Variants in ESRRG observed in about 807,000 individuals in gnomAD.
ESRRG encodes estrogen related receptor gamma, also known as estrogen-related receptor gamma.
ESRRG carries 13 observed loss-of-function variants against 44.0 expected under a neutral mutation model. The observed-to-expected ratio is 0.30, with a 90% confidence interval of 0.19 to 0.47. ESRRG has a LOEUF of 0.47. ESRRG is among the 20% of genes least tolerant of loss of function. The pLI is 1.00. For synonymous variants in ESRRG, 215 were observed against 214.6 expected (o/e 1.00, Z -0.02); for missense variants, 395 against 580.6 (o/e 0.68, Z 3.29).
intron 3 of ESRRG, among the ~76,000 whole-genome samples, chr1:216,593,802 C>T (rs566708810): frequency 2.0e-5 from 3 of 152,162 alleles, no homozygotes; most frequent in Admixed American, 6.5e-5. Flanking sequence ...TGCAGTGATA[C>T]GATCATGGCT....
intron 2 of ESRRG, among the ~76,000 whole-genome samples, chr1:216,759,122 G>A (rs77237867): frequency 0.023 from 3,427 of 152,088 alleles, 57 homozygotes; most frequent in Non-Finnish European, 0.031. Flanking sequence ...TGTCTATAAC[G>A]ATCATATATT....
chr1:216,795,158 C>T lies in ESRRG; in HGVS notation c.-13-117667G>A, dbSNP rs1462128447. ...GCTTACTTCTCAAAAATGTGAGTAC[C>T]GACCTGAAGACACGAAGTAATGTGT... On this transcript the variant is annotated intron_variant, in intron 2 of 7. Coordinates refer to the ESRRG transcript ENST00000359162. 6.6e-5 allele frequency among the ~76,000 whole-genome samples: 10 copies of T among 152,038 alleles called. No individual in the cohort carries two copies. The South Asian group carries it at 8.3e-4, about 13-fold the overall frequency.
intron 2 of ESRRG, among the ~76,000 whole-genome samples, chr1:216,865,355 T>C (rs1433083746): frequency 3.3e-5 from 5 of 152,096 alleles, no homozygotes; most frequent in Non-Finnish European, 7.4e-5. Context: ...GAGACTCATA[T>C]GTTATTTTAA....
intron 3 of ESRRG, among the ~76,000 whole-genome samples, chr1:216,633,702 G>A (rs1356450779): frequency 6.6e-6 from 1 of 152,154 alleles, no homozygotes; most frequent in Non-Finnish European, 1.5e-5. Flanking sequence ...ATTGCACAGT[G>A]GGATTAGGAG....
rs1473382947 is a variant in ESRRG at position 217,038,875 on chromosome 1, T to G, written c.-106+50632A>C. ...AGGCTGCAAATTTTCTGAACTTTTA[T>G]CCTCCATTTCCCTTTTAAAACCGAA... is the stretch of plus-strand genomic sequence containing the variant. On this transcript the variant is annotated intron_variant, in intron 1 of 7. Coordinates refer to the ESRRG transcript ENST00000359162. Among the ~76,000 whole-genome samples, 3 of 152,346 alleles carry G rather than the reference T, an allele frequency of 2.0e-5. No homozygotes were observed. The East Asian group carries it at 5.8e-4, about 29-fold the overall frequency.
chr1:216,610,494 C>T (rs1333538580), intron 3 of ESRRG, among the ~76,000 whole-genome samples: 1 of 151,978 alleles, frequency 6.6e-6, no homozygotes, highest in East Asian at 1.9e-4. Context: ...AGTCTCTGAT[C>T]GTTAGTGTTT....
chr1:216,766,147 G>A (rs2093063421), intron 2 of ESRRG, among the ~76,000 whole-genome samples: 1 of 152,008 alleles, frequency 6.6e-6, no homozygotes, highest in Non-Finnish European at 1.5e-5. Context: ...GAAAAACTGG[G>A]ACAAAGGAAC....
At chr1:216,639,301 G>C (rs1293353689) in intron 3 of ESRRG, among the ~76,000 whole-genome samples, 3 of 152,176 alleles carry the variant, frequency 2.0e-5, no homozygotes, top group Non-Finnish European at 4.4e-5. Context: ...ATGGGGTGGA[G>C]AGGGTGAAGG....
chr1:216,790,422 G>T (rs1231029398), intron 2 of ESRRG, among the ~76,000 whole-genome samples: 7 of 152,068 alleles, frequency 4.6e-5, no homozygotes, highest in Non-Finnish European at 1.0e-4. Context: ...TTTATAAAAT[G>T]CTTTCATACA....
chr1:216,767,222 T>G (rs1229759549), intron 2 of ESRRG, among the ~76,000 whole-genome samples: 1 of 152,162 alleles, frequency 6.6e-6, no homozygotes, highest in African/African-American at 2.4e-5. Flanking sequence ...TTACTCATAT[T>G]TTTGAAGTTA....
In ESRRG at chr1:216,811,085, C is replaced by T. The variant is rs544728807; in HGVS notation, c.-14+128497G>A. Among the ~76,000 whole-genome samples, 3 of 152,052 alleles carry T rather than the reference C, an allele frequency of 2.0e-5. No individual in the cohort carries two copies. The East Asian group carries it at 5.8e-4, about 29-fold the overall frequency. On this transcript the variant is annotated intron_variant, in intron 2 of 7. Transcript: ENST00000359162. Reference sequence around the variant, plus strand: ...TAACAATGAGTAAAATACTGGATTACTGGATTTAGCACAAATATGAAGAAT... The same window carrying T: ...TAACAATGAGTAAAATACTGGATTATTGGATTTAGCACAAATATGAAGAAT...
At chr1:216,821,663 C>A (rs557871694) in intron 2 of ESRRG, among the ~76,000 whole-genome samples, 1 of 124,982 alleles carries the variant, frequency 8.0e-6, no homozygotes, top group Admixed American at 9.8e-5. Flanking sequence ...CCAGCCTGGG[C>A]GACAGAACAA....
In ESRRG at chr1:216,802,906, C is replaced by T. The variant is rs2094669183; in HGVS notation, c.-13-125415G>A. ...AATACTAAAAGGAAAAGTGATTTTA[C>T]ATATCTTGAAGACATTCCCTCAATT... is the stretch of plus-strand genomic sequence containing the variant. On this transcript the variant is annotated intron_variant, in intron 2 of 7. Coordinates refer to the ESRRG transcript ENST00000359162. 1.3e-5 allele frequency among the ~76,000 whole-genome samples: 2 copies of T among 152,108 alleles called. 1 individual carries two copies.
At chr1:216,978,976 C>A (rs1260121901) in intron 1 of ESRRG, among the ~76,000 whole-genome samples, 3 of 152,174 alleles carry the variant, frequency 2.0e-5, no homozygotes, top group Admixed American at 6.6e-5. Context: ...GGGACCTCTT[C>A]TCTTTCACTC....
intron 5 of ESRRG, among the ~76,000 whole-genome samples, chr1:216,540,378 G>A (rs1162187118): frequency 6.6e-6 from 1 of 151,820 alleles, no homozygotes; most frequent in African/African-American, 2.4e-5. Flanking sequence ...TATAATTAAA[G>A]CCTCTAACTG....
At chr1:216,610,515 T>A (rs2060503063) in intron 3 of ESRRG, among the ~76,000 whole-genome samples, 1 of 152,084 alleles carries the variant, frequency 6.6e-6, no homozygotes, top group Admixed American at 6.6e-5. Flanking sequence ...GAGGGGAAGG[T>A]GCACTGCAGT....
intron 2 of ESRRG, among the ~76,000 whole-genome samples, chr1:216,898,479 G>A (rs1031296705): frequency 2.0e-5 from 3 of 152,112 alleles, no homozygotes; most frequent in South Asian, 4.2e-4. Flanking sequence ...TTAGCTGGGC[G>A]TGGTGGTGGG....
At chr1:216,529,511 G>A (rs994301228) in intron 5 of ESRRG, among the ~76,000 whole-genome samples, 4 of 152,086 alleles carry the variant, frequency 2.6e-5, no homozygotes, top group African/African-American at 9.7e-5. Flanking sequence ...ACTAGAAAAT[G>A]TCATTTGTCG....
intron 2 of ESRRG, among the ~76,000 whole-genome samples, chr1:216,887,458 G>A (rs1168906111): frequency 6.6e-6 from 1 of 152,092 alleles, no homozygotes; most frequent in Non-Finnish European, 1.5e-5. Context: ...AGAAAAATAG[G>A]AAAATTTACT....
Sources: gnomAD v4.1 joint callset for allele counts (sites outside exome capture counted in the v4.1 genomes callset) on GRCh38, gnomAD v4.1.1 for gene constraint, MANE v1.5 for transcripts, NCBI Gene and HGNC (gene_info 2026-07-23, HGNC 2026-07-21) for gene names.